The following ARSB variants were observed in gnomAD, a reference collection of about 807,000 sequenced individuals.
ARSB encodes N-acetylgalactosamine-4-sulfatase.
Under a neutral mutation model 50.9 loss-of-function variants are expected in ARSB, and 41 were observed. That is an observed-to-expected ratio of 0.81 (90% CI 0.63 to 1.04). The LOEUF is 1.04. Ranked by LOEUF, ARSB falls within the 50% of genes least tolerant of loss-of-function variation. The pLI is 0.00. For missense variants in ARSB, 672 were observed against 693.3 expected (o/e 0.97, Z 0.35); for synonymous variants, 269 against 284.8 (o/e 0.94, Z 0.56).
In ARSB at chr5:78,821,521, G is replaced by A. The variant is rs115825781; in HGVS notation, c.1213+17835C>T. ...TGGTGTTAAAATTAGTAAATGAATG[G>A]AAATTGAAGATATGGAGAAAGCACA... On this transcript the variant is annotated intron_variant, in intron 6 of 7. Transcript: ENST00000264914. Among the ~76,000 whole-genome samples the A allele has an allele frequency of 1.0e-3, 153 of 152,306 alleles. 1 individual carries two copies. The highest frequency in any genetic ancestry group is 1.6e-3 in the Non-Finnish European group (107 of 68,016).
chr5:78,837,643 A>G (rs1745009030), intron 6 of ARSB, among the ~76,000 whole-genome samples: 1 of 152,246 alleles, frequency 6.6e-6, no homozygotes, highest in African/African-American at 2.4e-5. Context: ...ATTTAATTCA[A>G]TATATCCAAA....
Position 78,778,378 on chromosome 5 carries a change from T to C in ARSB, c.*2019A>G, listed in dbSNP as rs997025388. 2.0e-5 allele frequency: 3 copies of C among 152,198 alleles called. No individual in the cohort carries two copies. The highest frequency in any genetic ancestry group is 4.4e-5 in the Non-Finnish European group (3 of 68,034). The allele number at this position is 152,198 out of a possible 1,614,324, so 9.4% of individuals were successfully genotyped here. The stretch of plus-strand genomic sequence containing the variant: ...ACAGGTTAGTAGTGACCAGAAAATA[T>C]TGCTACTGAATTGAAGGATGACTAT... On this transcript the variant is annotated 3_prime_UTR_variant, in exon 8 of 8. Coordinates refer to ENST00000264914, the MANE Select transcript of ARSB (RefSeq NM_000046.5).
chr5:78,777,328 C>T lies in ARSB; in HGVS notation c.*3069G>A, dbSNP rs1321429211. 6.6e-6 allele frequency: 1 copy of T among 152,480 alleles called. No individual in the cohort carries two copies. The highest frequency in any genetic ancestry group is 1.5e-5 in the Non-Finnish European group (1 of 68,032). The allele number at this position is 152,480 out of a possible 1,614,324, so 9.4% of individuals were successfully genotyped here. On this transcript the variant is annotated 3_prime_UTR_variant, in exon 8 of 8. Coordinates refer to ENST00000264914, the MANE Select transcript of ARSB (RefSeq NM_000046.5). ...AATTGTAATAAAACATAAAACTTAACATTTTAACCACTTTAAAACATACAA... is the reference window on the plus strand; with the variant it reads ...AATTGTAATAAAACATAAAACTTAATATTTTAACCACTTTAAAACATACAA...
chr5:78,862,083 G>A (rs1746466110), intron 5 of ARSB, among the ~76,000 whole-genome samples: 2 of 152,108 alleles, frequency 1.3e-5, no homozygotes, highest in Non-Finnish European at 2.9e-5. Context: ...TCTTCAAGGA[G>A]AACTACAAAC....
intron 4 of ARSB, among the ~76,000 whole-genome samples, chr5:78,905,035 T>C (rs562915914): frequency 5.9e-5 from 9 of 152,350 alleles, no homozygotes; most frequent in African/African-American, 2.2e-4. Context: ...TCACCGACTC[T>C]TCTTTATCAG....
intron 6 of ARSB, chr5:78,815,948 T>C: frequency 6.4e-7 from 1 of 1,567,906 alleles, no homozygotes; most frequent in East Asian, 2.3e-5. Flanking sequence ...TTTCCTATGA[T>C]GCCAGGTTCC....
chr5:78,847,926 G>A (rs1443519507), intron 5 of ARSB, among the ~76,000 whole-genome samples: 1 of 151,824 alleles, frequency 6.6e-6, no homozygotes, highest in African/African-American at 2.4e-5. Context: ...TTTTGTTGGT[G>A]ATTTTATTTG....
intron 4 of ARSB, among the ~76,000 whole-genome samples, chr5:78,947,734 G>A (rs1319149524): frequency 6.6e-6 from 1 of 152,068 alleles, no homozygotes; most frequent in African/African-American, 2.4e-5. Flanking sequence ...AGGTTCCTCA[G>A]GAAACTAAAA....
At chr5:78,952,559 A>C (rs1751532966) in intron 4 of ARSB, among the ~76,000 whole-genome samples, 1 of 152,002 alleles carries the variant, frequency 6.6e-6, no homozygotes, top group Non-Finnish European at 1.5e-5. Context: ...CTGGTGTTGA[A>C]CTCCTGAACT....
rs571885306 is a variant in ARSB, at chr5:78,885,915, T to C, written c.899-88A>G. The C allele has an allele frequency of 8.8e-6, 14 of 1,596,932 alleles. No individual in the cohort carries two copies. The African/African-American group carries it at 1.5e-4, about 17-fold the overall frequency. On this transcript the variant is annotated intron_variant, in intron 4 of 7. Transcript: ENST00000264914. ...AGACTGTATGTACATTGTTACTAAATGGTGCTTAAATAATAAAAAAAAAGA... is the reference window on the plus strand; with the variant it reads ...AGACTGTATGTACATTGTTACTAAACGGTGCTTAAATAATAAAAAAAAAGA...
chr5:78,830,360 C>A (rs747589899), intron 6 of ARSB, among the ~76,000 whole-genome samples: 1 of 152,168 alleles, frequency 6.6e-6, no homozygotes, highest in Non-Finnish European at 1.5e-5. Context: ...AGATGCAGGG[C>A]CAGGCCAAGT....
intron 6 of ARSB, among the ~76,000 whole-genome samples, chr5:78,795,956 T>C (rs1431542174): frequency 6.6e-6 from 1 of 152,256 alleles, no homozygotes; most frequent in African/African-American, 2.4e-5. Flanking sequence ...TAATCATTAT[T>C]GCATTGTGCA....
chr5:78,872,304 T>C (rs1437442923), intron 5 of ARSB, among the ~76,000 whole-genome samples: 3 of 151,490 alleles, frequency 2.0e-5, no homozygotes, highest in Non-Finnish European at 2.9e-5. Context: ...GACCCAGCCA[T>C]CCCATTACTG....
intron 4 of ARSB, among the ~76,000 whole-genome samples, chr5:78,926,619 C>T (rs1462989302): frequency 6.6e-6 from 1 of 152,150 alleles, no homozygotes; most frequent in African/African-American, 2.4e-5. Flanking sequence ...CTTTACTACT[C>T]CTGCCTCCAA....
At chr5:78,875,070 A>C (rs1747422874) in intron 5 of ARSB, among the ~76,000 whole-genome samples, 1 of 152,220 alleles carries the variant, frequency 6.6e-6, no homozygotes, top group South Asian at 2.1e-4. Context: ...CTATGATTGC[A>C]CCACTGCACT....
Position 78,982,035 on chromosome 5 carries a change from T to G in ARSB, c.312+2902A>C, listed in dbSNP as rs1752927619. ...GCTTCCCGGGTTCACGCCATTCTCC[T>G]GCCTCAGCCTCCCGAGTAGCTGGGA... On this transcript the variant is annotated intron_variant, in intron 1 of 7. Coordinates refer to ENST00000264914, the MANE Select transcript of ARSB (RefSeq NM_000046.5). Among the ~76,000 whole-genome samples the G allele has an allele frequency of 1.6e-4, 12 of 75,112 alleles. 3 individuals are homozygous for G. In the South Asian group the frequency reaches 4.4e-3, roughly 28 times the overall value. The allele number at this position is 75,112 out of a possible 152,430, so 49.3% of individuals were successfully genotyped here. A position where few individuals can be genotyped will look rare whatever the true frequency, so the allele number is the denominator to read the frequency against.
At chr5:78,971,373 G>A (rs1752445769) in intron 1 of ARSB, among the ~76,000 whole-genome samples, 1 of 152,176 alleles carries the variant, frequency 6.6e-6, no homozygotes, top group African/African-American at 2.4e-5. Context: ...CCCCAGCCCT[G>A]GGAGCTCTTG....
intron 1 of ARSB, among the ~76,000 whole-genome samples, chr5:78,980,453 T>C (rs532107423): frequency 6.6e-6 from 1 of 152,226 alleles, no homozygotes; most frequent in Non-Finnish European, 1.5e-5. Context: ...GGAAACAACC[T>C]ACATGTTCAT....
At chr5:78,929,721 G>A (rs1580075907) in intron 4 of ARSB, among the ~76,000 whole-genome samples, 1 of 151,080 alleles carries the variant, frequency 6.6e-6, no homozygotes, top group Admixed American at 6.6e-5. Context: ...AGAACCCTGG[G>A]GGCTGAGATT....
Sources: gnomAD v4.1 joint callset for allele counts (sites outside exome capture counted in the v4.1 genomes callset) on GRCh38, gnomAD v4.1.1 for gene constraint, MANE v1.5 for transcripts, NCBI Gene and HGNC (gene_info 2026-07-23, HGNC 2026-07-21) for gene names.